The following TRPC7 variants were observed in gnomAD, a reference collection of about 807,000 sequenced individuals.
TRPC7 encodes the protein short transient receptor potential channel 7.
TRPC7 carries 42 observed loss-of-function variants against 90.1 expected under a neutral mutation model. The ratio of observed to expected loss-of-function variants is 0.47; its 90% confidence interval spans 0.36 to 0.60. TRPC7 has a LOEUF of 0.60. TRPC7 is among the 20% of genes least tolerant of loss of function. The pLI is 0.00. For missense variants in TRPC7, 955 were observed against 1,112.3 expected, an observed-to-expected ratio of 0.86 and a Z score of 2.01; for synonymous variants, 451 against 436.3, an observed-to-expected ratio of 1.03 and a Z score of -0.42.
chr5:136,316,388 C>A (rs1365768972), intron 2 of TRPC7, among the ~76,000 whole-genome samples: 1 of 152,024 alleles, frequency 6.6e-6, no homozygotes, highest in Non-Finnish European at 1.5e-5. Context: ...TTTTTGTGTG[C>A]CAGAAAATCG....
intron 8 of TRPC7, among the ~76,000 whole-genome samples, chr5:136,230,332 CT>C (rs550728987): frequency 1.6e-4 from 24 of 152,320 alleles, no homozygotes; most frequent in African/African-American, 5.3e-4. Context: ...ACCATGCCCC[CT>C]ATTCCCACCT....
chr5:136,312,693 T>G lies in TRPC7; in HGVS notation c.963+2904A>C, dbSNP rs572271884. On this transcript the variant is annotated intron_variant, in intron 3 of 11. Coordinates refer to ENST00000513104, the MANE Select transcript of TRPC7 (RefSeq NM_020389.3). Reference sequence around the variant, plus strand: ...AACCATGGTGGGTGACTTATCTTCATCTAATGGAGGCTGGTGCTGTGACTC... The same window carrying G: ...AACCATGGTGGGTGACTTATCTTCAGCTAATGGAGGCTGGTGCTGTGACTC... Among the ~76,000 whole-genome samples the G allele has an allele frequency of 5.3e-4, 80 of 152,242 alleles. 1 individual carries two copies. The highest frequency in any genetic ancestry group is 1.8e-3 in the African/African-American group (76 of 41,548).
At chr5:136,365,216 A>C in intron 1 of TRPC7, 37 bp downstream of exon 1, 1 of 1,536,750 alleles carries the variant, frequency 6.5e-7, no homozygotes, top group African/African-American at 1.4e-5. Flanking sequence ...CTACTGGAAA[A>C]AAAAATCAAT....
intron 2 of TRPC7, among the ~76,000 whole-genome samples, chr5:136,356,013 C>T (rs889562353): frequency 1.3e-5 from 2 of 152,158 alleles, no homozygotes; most frequent in Non-Finnish European, 2.9e-5. Context: ...CGCCTGAGCT[C>T]GTCTACTAGG....
Position 136,251,697 on chromosome 5 carries a change from T to A in TRPC7, c.1531A>T (p.Thr511Ser). The part of the protein sequence containing the change: ...LYVDQHVQDD[T>S]LHNVSLPPEV... The stretch of plus-strand genomic sequence containing the variant: ...GGCGGAAGCGAGACATTGTGCAGCG[T>A]GTCGTCCTGCACGTGCTGGTCCACG... Residue 511 changes from threonine to serine, a missense_variant, in exon 6 of 12, where the codon ACG (threonine) becomes TCG (serine). Physicochemically the swap from Thr to Ser is moderately conservative, Grantham distance 58. This residue lies in a region of TRPC7 where 484 missense variants were observed against 509.6 expected (regional missense o/e 0.95). Transcript: ENST00000513104. 6.2e-6 allele frequency: 10 copies of A among 1,613,630 alleles called. No homozygotes were observed. The highest frequency in any genetic ancestry group is 1.1e-5 in the South Asian group (1 of 91,050).
chr5:136,308,564 G>A (rs1283817746), intron 3 of TRPC7, among the ~76,000 whole-genome samples: 3 of 152,196 alleles, frequency 2.0e-5, no homozygotes, highest in Non-Finnish European at 2.9e-5. Context: ...ATGTCCCCAG[G>A]TCCCCTTTGC....
At chr5:136,345,163 A>T (rs193097352) in intron 2 of TRPC7, among the ~76,000 whole-genome samples, 15 of 152,330 alleles carry the variant, frequency 9.8e-5, no homozygotes, top group African/African-American at 3.6e-4. Flanking sequence ...GTATGAAGGG[A>T]AATAAAAATA....
At chr5:136,333,129 C>A (rs1244831549) in intron 2 of TRPC7, among the ~76,000 whole-genome samples, 1 of 152,166 alleles carries the variant, frequency 6.6e-6, no homozygotes, top group Non-Finnish European at 1.5e-5. Flanking sequence ...TGTTACACAG[C>A]CTGACTGTGG....
At chr5:136,292,397 CA>C (rs1173267197) in intron 3 of TRPC7, among the ~76,000 whole-genome samples, 1 of 151,952 alleles carries the variant, frequency 6.6e-6, no homozygotes. Context: ...AGACCACTAG[CA>C]AGACTAATAA....
intron 2 of TRPC7, among the ~76,000 whole-genome samples, chr5:136,355,636 A>C (rs1760343328): frequency 6.6e-6 from 1 of 152,152 alleles, no homozygotes; most frequent in Admixed American, 6.6e-5. Context: ...GTCTCTACTA[A>C]AAATACAAAA....
intron 1 of TRPC7, among the ~76,000 whole-genome samples, chr5:136,364,459 G>A (rs1227611160): frequency 6.6e-6 from 1 of 152,184 alleles, no homozygotes; most frequent in Non-Finnish European, 1.5e-5. Context: ...TAAATTTGAT[G>A]TGTACTCGGT....
intron 3 of TRPC7, among the ~76,000 whole-genome samples, chr5:136,282,430 A>G (rs1480999367): frequency 6.6e-6 from 1 of 152,182 alleles, no homozygotes; most frequent in Non-Finnish European, 1.5e-5. Context: ...CACATTTTGT[A>G]TTTTATTTTT....
chr5:136,323,581 G>A (rs1431647933), intron 2 of TRPC7, among the ~76,000 whole-genome samples: 2 of 152,040 alleles, frequency 1.3e-5, no homozygotes, highest in Non-Finnish European at 2.9e-5. Context: ...AGCCCCATTT[G>A]TTGAAAAGAT....
chr5:136,297,227 T>G (rs1340112051), intron 3 of TRPC7, among the ~76,000 whole-genome samples: 1 of 152,202 alleles, frequency 6.6e-6, no homozygotes, highest in African/African-American at 2.4e-5. Flanking sequence ...GATTCAGATC[T>G]CTGTAACCTG....
At chr5:136,280,739 T>C (rs1757522769) in intron 3 of TRPC7, among the ~76,000 whole-genome samples, 1 of 152,248 alleles carries the variant, frequency 6.6e-6, no homozygotes, top group Admixed American at 6.5e-5. Context: ...ATGTACCATG[T>C]AAACTGACAT....
chr5:136,309,693 A>G (rs1758765140), intron 3 of TRPC7, among the ~76,000 whole-genome samples: 1 of 152,224 alleles, frequency 6.6e-6, no homozygotes, highest in Non-Finnish European at 1.5e-5. Context: ...CATGCAGGAA[A>G]CATTTAAGAG....
chr5:136,347,016 C>T (rs1257980137), intron 2 of TRPC7, among the ~76,000 whole-genome samples: 1 of 152,148 alleles, frequency 6.6e-6, no homozygotes, highest in East Asian at 1.9e-4. Flanking sequence ...CAGCAAGAAT[C>T]CTACTGCATT....
At position 136,364,898 on chromosome 5, in the gene TRPC7, T is replaced by G. The variant is rs542526669; in HGVS notation, c.2+355A>C. On this transcript the variant is annotated intron_variant, in intron 1 of 11. Coordinates refer to ENST00000513104, the MANE Select transcript of TRPC7 (RefSeq NM_020389.3). ...TCTCACCCCTATATTTATATTATGATAAATACAACCACATAAATACATTAG... is the reference window on the plus strand; with the variant it reads ...TCTCACCCCTATATTTATATTATGAGAAATACAACCACATAAATACATTAG... 4.6e-5 allele frequency among the ~76,000 whole-genome samples: 7 copies of G among 152,268 alleles called. No individual in the cohort carries two copies. The South Asian group carries it at 1.2e-3, about 27-fold the overall frequency.
At chr5:136,257,429 C>T (rs907580916) in intron 5 of TRPC7, among the ~76,000 whole-genome samples, 9 of 152,160 alleles carry the variant, frequency 5.9e-5, no homozygotes, top group Non-Finnish European at 1.3e-4. Flanking sequence ...GATCCTCCCA[C>T]CTCGGCCTCC....
Sources: allele counts gnomAD v4.1 joint callset (sites outside exome capture counted in the v4.1 genomes callset), GRCh38; gene constraint gnomAD v4.1.1; regional missense constraint gnomAD v4.1.1; transcripts MANE v1.5; gene names NCBI Gene and HGNC (gene_info 2026-07-23, HGNC 2026-07-21).